The following DNAH9 variants were observed in gnomAD, a reference collection of about 807,000 sequenced individuals.
DNAH9 encodes dynein axonemal heavy chain 9, also known as DNAH9 variant protein.
In DNAH9, 345 loss-of-function variants were observed where a neutral mutation model predicts 471.6. The observed-to-expected ratio is 0.73, with a 90% CI of 0.67 to 0.80. The LOEUF (loss-of-function observed/expected upper bound fraction) is 0.80. Ranked by LOEUF, DNAH9 falls within the 30% of genes least tolerant of loss-of-function variation. The pLI is 0.00. For synonymous variants in DNAH9, 2,093 were observed against 2,123.6 expected, an observed-to-expected ratio of 0.99 and a Z score of 0.40; for missense variants, 5,407 against 5,609.2, an observed-to-expected ratio of 0.96 and a Z score of 1.15.
chr17:11,739,268 G>A lies in DNAH9; in HGVS notation c.5972+231G>A, dbSNP rs145288619. Among the ~76,000 whole-genome samples the A allele has an allele frequency of 7.5e-3, 1,141 of 152,214 alleles. 15 individuals are homozygous for A. The highest frequency in any genetic ancestry group is 0.025 in the African/African-American group (1,058 of 41,526). ...CCATACGTTGGTAGCCTGCATTTGCGGTCTACATAGTTTCGTGTTGTTTTT... is the reference window on the plus strand; with the variant it reads ...CCATACGTTGGTAGCCTGCATTTGCAGTCTACATAGTTTCGTGTTGTTTTT... On this transcript the variant is annotated intron_variant, in intron 29 of 68. Transcript: ENST00000262442.
At chr17:11,629,103 C>CT (rs892178042) in intron 6 of DNAH9, among the ~76,000 whole-genome samples, 65 of 143,616 alleles carry the variant, frequency 4.5e-4, no homozygotes, top group Non-Finnish European at 7.5e-4. Flanking sequence ...TTTTTTACTT[C>CT]TTTTTTTTTT....
intron 36 of DNAH9, 53 bp from the exon 37 acceptor site, chr17:11,768,400 G>A (rs1968057042): frequency 1.3e-6 from 2 of 1,574,920 alleles, no homozygotes; most frequent in South Asian, 1.1e-5. Flanking sequence ...CCTCCTGTGT[G>A]GGCTTCTTGA....
At position 11,680,815 on chromosome 17, in the gene DNAH9, C is replaced by T; in HGVS notation, c.3669C>T (p.Leu1223=). ...TGCAGGCAAATGAAGTGACACTCCTCCGCCAGAGGTGCACAGCCTTCGATG... is the reference window on the plus strand; with the variant it reads ...TGCAGGCAAATGAAGTGACACTCCTTCGCCAGAGGTGCACAGCCTTCGATG... ...APLQANEVTL[L]RQRCTAFDAE... is the part of the protein sequence containing the mutation. Residue 1223 remains leucine (L), a synonymous_variant, in exon 19 of 69, where the codon CTC becomes CTT. Transcript: ENST00000262442. The T allele has an allele frequency of 6.2e-7, 1 of 1,613,894 alleles. No homozygotes were observed. Among genetic ancestry groups the T allele is most frequent in the Non-Finnish European group, 8.5e-7 (1 of 1,179,928 alleles).
chr17:11,895,004 C>A (rs1597798847), intron 59 of DNAH9, among the ~76,000 whole-genome samples: 1 of 152,172 alleles, frequency 6.6e-6, no homozygotes, highest in Non-Finnish European at 1.5e-5. Context: ...TTATTTAATT[C>A]TCTGTCCACC....
rs751168583 is a variant in DNAH9, at chr17:11,905,643, G to A, written c.11601-18G>A. 4.3e-6 allele frequency: 7 copies of A among 1,612,940 alleles called. No homozygotes were observed. Among genetic ancestry groups the A allele is most frequent in the Non-Finnish European group, 5.9e-6 (7 of 1,179,440 alleles). ...CTGCTATATATGTATAAATCTATAT[G>A]TGCTTTTTTTCTGGCAGAGATTTTG... On this transcript the variant is annotated intron_variant, in intron 60 of 68. Coordinates refer to ENST00000262442, the MANE Select transcript of DNAH9 (RefSeq NM_001372.4).
chr17:11,908,700 T>C (rs1435461077), intron 61 of DNAH9, among the ~76,000 whole-genome samples: 2 of 152,096 alleles, frequency 1.3e-5, no homozygotes, highest in African/African-American at 2.4e-5. Context: ...AGAAAGGGGA[T>C]AGGAAAATGG....
intron 67 of DNAH9, among the ~76,000 whole-genome samples, chr17:11,943,710 GTTTT>G (rs1366761482): frequency 6.6e-6 from 1 of 151,804 alleles, no homozygotes; most frequent in Admixed American, 6.6e-5. Context: ...CAAGGTTAGG[GTTTT>G]TTTTGTTTAA....
At chr17:11,769,008 T>G (rs1968085909) in intron 37 of DNAH9, 114 bp from the exon 38 acceptor site, 1 of 1,075,956 alleles carries the variant, frequency 9.3e-7, no homozygotes, top group Non-Finnish European at 1.4e-6. Context: ...GGTGCTTATT[T>G]GGGGAGCTCC....
Position 11,757,964 on chromosome 17 carries a change from C to T in DNAH9, c.6995+272C>T, listed in dbSNP as rs139082356. On this transcript the variant is annotated intron_variant, in intron 35 of 68. Transcript: ENST00000262442. ...ACGTGGATGTATGTGAAGGAGGCTG[C>T]GGGTTGTAGTATCAGATTACAATCC... is the stretch of plus-strand genomic sequence containing the variant. Among the ~76,000 whole-genome samples, 61 of 152,280 alleles carry T rather than the reference C, an allele frequency of 4.0e-4. 1 individual carries two copies. In the East Asian group the frequency reaches 9.1e-3, roughly 23 times the overall value.
intron 52 of DNAH9, among the ~76,000 whole-genome samples, chr17:11,872,503 C>G (rs1972307611): frequency 6.6e-6 from 1 of 152,158 alleles, no homozygotes; most frequent in African/African-American, 2.4e-5. Flanking sequence ...TAGCAACCCA[C>G]AAATACTTCC....
chr17:11,845,208 A>G (rs1971179799), intron 49 of DNAH9, among the ~76,000 whole-genome samples: 1 of 112,072 alleles, frequency 8.9e-6, no homozygotes, highest in Non-Finnish European at 1.7e-5. Context: ...TCCTGTGTCC[A>G]TGTGTTTTCA....
In DNAH9 at chr17:11,961,043, G is replaced by A. The variant is rs191022552; in HGVS notation, c.12844-824G>A. 8.2e-4 allele frequency among the ~76,000 whole-genome samples: 125 copies of A among 152,164 alleles called. 1 individual carries two copies. The highest frequency in any genetic ancestry group is 3.4e-3 in the Middle Eastern group (1 of 290). ...TAAACATAGTGTTCAGGCCGGGCGC[G>A]GTGGCTCATGCCTGTAATCCCAGCA... On this transcript the variant is annotated intron_variant, in intron 67 of 68. Coordinates refer to ENST00000262442, the MANE Select transcript of DNAH9 (RefSeq NM_001372.4).
chr17:11,835,876 A>G (rs1007220382), intron 49 of DNAH9, among the ~76,000 whole-genome samples: 1 of 151,996 alleles, frequency 6.6e-6, no homozygotes, highest in Non-Finnish European at 1.5e-5. Context: ...TTTCCACACC[A>G]CCTTTCCCTG....
chr17:11,700,158 C>A (rs903895739), intron 23 of DNAH9, among the ~76,000 whole-genome samples: 1 of 152,088 alleles, frequency 6.6e-6, no homozygotes, highest in Non-Finnish European at 1.5e-5. Flanking sequence ...AAACAGCTAC[C>A]CAAGTCAATG....
intron 26 of DNAH9, among the ~76,000 whole-genome samples, chr17:11,711,473 C>T (rs1325779991): frequency 4.6e-5 from 7 of 152,154 alleles, no homozygotes; most frequent in Non-Finnish European, 1.0e-4. Context: ...GTTCATCAGT[C>T]TACCTCAAAA....
chr17:11,616,719 C>T (rs1413805257), intron 4 of DNAH9, among the ~76,000 whole-genome samples: 1 of 152,166 alleles, frequency 6.6e-6, no homozygotes, highest in Non-Finnish European at 1.5e-5. Context: ...TTCTAGGGTA[C>T]ATGTGCACAA....
At chr17:11,844,255 C>T (rs1971136373) in intron 49 of DNAH9, among the ~76,000 whole-genome samples, 1 of 151,906 alleles carries the variant, frequency 6.6e-6, no homozygotes, top group Non-Finnish European at 1.5e-5. Flanking sequence ...TCACAAAATA[C>T]CATAAACAAA....
intron 50 of DNAH9, among the ~76,000 whole-genome samples, chr17:11,863,893 C>CAAAT (rs1971947357): frequency 6.7e-6 from 1 of 148,762 alleles, no homozygotes; most frequent in Non-Finnish European, 1.5e-5. Flanking sequence ...TTTATTGCGT[C>CAAAT]TATTTGATTC....
Position 11,891,955 on chromosome 17 carries a change from T to A in DNAH9, c.11283+8T>A. ...GCCCAGCTCACCTTTCAGGTAAAAG[T>A]GGATTGAAGAAGTTTCCAGAAAACA... On this transcript the variant is annotated splice_region_variant and intron_variant, in intron 58 of 68. Coordinates refer to ENST00000262442, the MANE Select transcript of DNAH9 (RefSeq NM_001372.4). 1 of 1,610,468 alleles carries A rather than the reference T, an allele frequency of 6.2e-7. No individual in the cohort carries two copies. Among genetic ancestry groups the A allele is most frequent in the Non-Finnish European group, 8.5e-7 (1 of 1,177,632 alleles).
Sources: gnomAD v4.1 joint callset for allele counts (sites outside exome capture counted in the v4.1 genomes callset) on GRCh38, gnomAD v4.1.1 for gene constraint, MANE v1.5 for transcripts, NCBI Gene and HGNC (gene_info 2026-07-23, HGNC 2026-07-21) for gene names.